The following ZNF839 variants were observed in gnomAD, a reference collection of about 807,000 sequenced individuals.
ZNF839 encodes renal carcinoma antigen NY-REN-50.
In ZNF839, 38 loss-of-function variants were observed where a neutral mutation model predicts 56.4. That is an observed-to-expected ratio of 0.67 (90% CI 0.52 to 0.88). ZNF839 has a LOEUF of 0.88. Ranked by LOEUF, ZNF839 falls within the 40% of genes least tolerant of loss-of-function variation. The pLI, the probability that ZNF839 is intolerant of heterozygous loss-of-function variation, is 0.00. For missense variants in ZNF839, 1,091 were observed against 1,177.6 expected (o/e 0.93, Z 1.08); for synonymous variants, 486 against 493.5 (o/e 0.98, Z 0.20).
upstream of ZNF839, chr14:102,319,694 C>T (rs1414605876): frequency 1.6e-6 from 2 of 1,218,154 alleles, no homozygotes; most frequent in Non-Finnish European, 2.0e-6. The surrounding 1 kb of genome is among the most constrained non-coding windows in gnomAD (Gnocchi z 4.5). Flanking sequence ...GTAGCCCGCC[C>T]CTCTCCTAGG....
chr14:102,338,984 C>T, intron 6 of ZNF839, 31 bp downstream of exon 6: 1 of 1,613,960 alleles, frequency 6.2e-7, no homozygotes, highest in Non-Finnish European at 8.5e-7. Flanking sequence ...TGCCAGGTGA[C>T]TGTGCACGGT....
In ZNF839 at chr14:102,341,342, T is replaced by C. The variant is rs1020118830; in HGVS notation, c.1947T>C (p.Asn649=). 2 of 1,520,508 alleles carry C rather than the reference T, an allele frequency of 1.3e-6. No individual in the cohort carries two copies. Among genetic ancestry groups the C allele is most frequent in the African/African-American group, 2.8e-5 (2 of 71,676 alleles). 94.2% of individuals were successfully genotyped at this position (1,520,508 alleles called of 1,614,324 possible). The change falls in exon 8 of 8, where the codon AAT becomes AAC. Residue 649 remains asparagine (N), a synonymous_variant. Transcript: ENST00000442396. The part of the protein sequence containing the change: ...ALAAGFSPPV[N]VTVSPRSEES... ...GTTTAGGTTTTTCCCCTCCAGTAAA[T>C]GTGACTGTCTCTCCCCGTTCTGAAG...
At chr14:102,321,263 G>A (rs987002679) in intron 1 of ZNF839, among the ~76,000 whole-genome samples, 9 of 152,222 alleles carry the variant, frequency 5.9e-5, no homozygotes, top group Non-Finnish European at 8.8e-5. Context: ...GGGCCGCTCA[G>A]TTTTCAGCAG....
In ZNF839 at chr14:102,341,443, A is replaced by G; in HGVS notation, c.2048A>G (p.Asn683Ser). ...GGCCCGCAGCTTCAGGCACTGGCTA[A>G]CTTAGAAGCCAGGAGGGGGTCTATA... ...QAGPQLQALA[N>S]LEARRGSIGA... The change falls in exon 8 of 8, where the codon AAC becomes AGC. Residue 683 changes from asparagine to serine, a missense_variant. Coordinates refer to ENST00000442396, the MANE Select transcript of ZNF839 (RefSeq NM_018335.6). 1 of 1,595,742 alleles carries G rather than the reference A, an allele frequency of 6.3e-7. No individual in the cohort carries two copies. The highest frequency in any genetic ancestry group is 8.5e-7 in the Non-Finnish European group (1 of 1,170,798).
intron 2 of ZNF839, among the ~76,000 whole-genome samples, chr14:102,329,678 C>A (rs1006063236): frequency 1.3e-5 from 2 of 151,318 alleles, no homozygotes; most frequent in Non-Finnish European, 2.9e-5. Context: ...AGCCACTGCA[C>A]CTTGCCTCAT....
intron 5 of ZNF839, 92 bp from the exon 6 acceptor site, chr14:102,338,724 C>A: frequency 6.4e-7 from 1 of 1,556,560 alleles, no homozygotes; most frequent in Non-Finnish European, 8.7e-7. Flanking sequence ...AGATTTAATT[C>A]TATGAAGTCG....
At chr14:102,320,164 G>A (rs1789989845) in intron 1 of ZNF839, 111 bp downstream of exon 1, 1 of 1,041,390 alleles carries the variant, frequency 9.6e-7, no homozygotes, top group Non-Finnish European at 1.2e-6. Context: ...TTAAGACTCA[G>A]GGCGTCCCCA....
intron 2 of ZNF839, among the ~76,000 whole-genome samples, chr14:102,328,624 A>G (rs1334100466): frequency 6.6e-6 from 1 of 150,922 alleles, no homozygotes; most frequent in East Asian, 2.0e-4. Flanking sequence ...AAAAACTAAA[A>G]CTCTGTCCCT....
Position 102,342,238 on chromosome 14 carries a change from G to T in ZNF839, c.*59G>T. 2 of 1,536,054 alleles carry T rather than the reference G, an allele frequency of 1.3e-6. No individual in the cohort carries two copies. The highest frequency in any genetic ancestry group is 1.8e-6 in the Non-Finnish European group (2 of 1,142,000). Reference sequence around the variant, plus strand: ...TCACCGTGGAGCCAGAGCCCTCACAGTGAAGTGGAGTCAGATCCTAGATTC... The same window carrying T: ...TCACCGTGGAGCCAGAGCCCTCACATTGAAGTGGAGTCAGATCCTAGATTC... On this transcript the variant is annotated 3_prime_UTR_variant, in exon 8 of 8. Coordinates refer to ENST00000442396, the MANE Select transcript of ZNF839 (RefSeq NM_018335.6).
chr14:102,322,117 C>T (rs979083680), intron 1 of ZNF839, among the ~76,000 whole-genome samples: 1 of 152,214 alleles, frequency 6.6e-6, no homozygotes, highest in Non-Finnish European at 1.5e-5. Flanking sequence ...AAATGCCCCT[C>T]AGAGATCACA....
chr14:102,331,771 A>T lies in ZNF839; in HGVS notation c.1341A>T (p.Arg447Ser), dbSNP rs749218672. 46 of 1,599,938 alleles carry T rather than the reference A, an allele frequency of 2.9e-5. No individual in the cohort carries two copies. The African/African-American group carries it at 5.1e-4, about 18-fold the overall frequency. The part of the protein sequence containing the change: ...ESRTAVLQQR[R>S]AAQLPGGPAA... ...GCACAGCTGTCCTCCAGCAGAGAAG[A>T]GCTGCTCAGCTACCTGGTGGCCCTG... Residue 447 changes from arginine to serine, a missense_variant, in exon 3 of 8, where the codon AGA becomes AGT. By Grantham distance (110) the Arg-to-Ser change is moderately radical. Coordinates refer to ENST00000442396, the MANE Select transcript of ZNF839 (RefSeq NM_018335.6).
Position 102,338,898 on chromosome 14 carries a change from G to A in ZNF839, c.1742G>A (p.Arg581Gln), listed in dbSNP as rs572237245. The change falls in exon 6 of 8, where the codon CGA (arginine) becomes CAA (glutamine). Residue 581 changes from arginine (R) to glutamine (Q), a missense_variant. Transcript: ENST00000442396. ...AACCTTGGACCCAAGCACCTCAGCC[G>A]AGACATGGATGGGGAGCAGCTAGAG... ...PDNLGPKHLSRDMDGEQLEGA... is the reference protein window; with the variant it reads ...PDNLGPKHLSQDMDGEQLEGA... 25 of 1,613,986 alleles carry A rather than the reference G, an allele frequency of 1.5e-5. No homozygotes were observed. Among genetic ancestry groups the A allele is most frequent in the African/African-American group, 9.3e-5 (7 of 75,044 alleles).
At chr14:102,322,516 C>T (rs914477261) in intron 1 of ZNF839, among the ~76,000 whole-genome samples, 2 of 152,184 alleles carry the variant, frequency 1.3e-5, no homozygotes, top group African/African-American at 2.4e-5. Context: ...TCTGGCTTTG[C>T]CGCTGTGGTT....
chr14:102,330,821 CTTTAT>C (rs1424597330), intron 2 of ZNF839, among the ~76,000 whole-genome samples: 3 of 152,108 alleles, frequency 2.0e-5, no homozygotes, highest in African/African-American at 4.8e-5. Flanking sequence ...CACGCCTGGC[CTTTAT>C]TTTATTTTTC....
intron 7 of ZNF839, among the ~76,000 whole-genome samples, chr14:102,340,361 T>A (rs749693053): frequency 1.3e-5 from 2 of 151,348 alleles, no homozygotes; most frequent in South Asian, 4.2e-4. Context: ...AACCTCTGCC[T>A]CCCAGGCTCA....
intron 3 of ZNF839, among the ~76,000 whole-genome samples, chr14:102,333,542 C>T (rs1161612390): frequency 2.0e-5 from 3 of 152,104 alleles, no homozygotes; most frequent in African/African-American, 7.2e-5. Flanking sequence ...GGATTACAGG[C>T]GTGAGCCACT....
rs564127310 is a variant in ZNF839 at position 102,328,826 on chromosome 14, C to T, written c.1191+1939C>T. ...GTCAGAATGTCCTCCCTCTGTAAGACTGAGTAATATCTCACTGTGTGTACA... is the reference window on the plus strand; with the variant it reads ...GTCAGAATGTCCTCCCTCTGTAAGATTGAGTAATATCTCACTGTGTGTACA... On this transcript the variant is annotated intron_variant, in intron 2 of 7. Coordinates refer to ENST00000442396, the MANE Select transcript of ZNF839 (RefSeq NM_018335.6). Among the ~76,000 whole-genome samples the T allele has an allele frequency of 2.6e-3, 392 of 152,266 alleles. 2 individuals are homozygous for T. Among genetic ancestry groups the T allele is most frequent in the African/African-American group, 8.6e-3 (358 of 41,554 alleles).
intron 5 of ZNF839, chr14:102,337,226 A>G (rs28561649): frequency 0.087 from 13,233 of 151,908 alleles, 1,229 homozygotes; most frequent in African/African-American, 0.23. Context: ...CTTGAGTGCA[A>G]TGGTGCCATC....
chr14:102,334,805 C>G, intron 4 of ZNF839, 159 bp downstream of exon 4: 1 of 307,630 alleles, frequency 3.3e-6, no homozygotes, highest in East Asian at 6.3e-5. Context: ...TGCAGTGGCA[C>G]CATCGTAGCT....
Sources: allele counts gnomAD v4.1 joint callset (sites outside exome capture counted in the v4.1 genomes callset), GRCh38; gene constraint gnomAD v4.1.1; non-coding constraint Gnocchi (gnomAD v3.1); transcripts MANE v1.5; gene names NCBI Gene and HGNC (gene_info 2026-07-23, HGNC 2026-07-21).